MYO1E: variants seen among roughly 807,000 people sequenced by gnomAD.
MYO1E encodes the protein unconventional myosin-Ie.
MYO1E carries 68 observed loss-of-function variants against 151.1 expected under a neutral mutation model. The observed-to-expected ratio is 0.45, with a 90% CI of 0.37 to 0.55. The LOEUF is 0.55. Ranked by LOEUF, MYO1E falls within the 20% of genes least tolerant of loss-of-function variation. The probability of loss-of-function intolerance (pLI) is 0.00; values close to 1 mark genes in which losing one functional copy is unlikely to be tolerated. For missense variants in MYO1E, 1,363 were observed against 1,389.3 expected (o/e 0.98, Z 0.30); for synonymous variants, 601 against 501.7 (o/e 1.20, Z -2.64).
At position 59,214,442 on chromosome 15, in the gene MYO1E, T is replaced by C. The variant is rs1269757029; in HGVS notation, c.1189-128A>G. ...GAAATGTTGGATGCATCAAAAGAAA[T>C]AAGTTTATATTTAGGAGAAACTAAT... On this transcript the variant is annotated intron_variant, in intron 11 of 27. Coordinates refer to ENST00000288235, the MANE Select transcript of MYO1E (RefSeq NM_004998.4). The C allele has an allele frequency of 1.8e-5, 16 of 893,620 alleles. No individual in the cohort carries two copies. In the African/African-American group the frequency reaches 2.2e-4, roughly 12 times the overall value. The allele number at this position is 893,620 out of a possible 1,614,324, so 55.4% of individuals were successfully genotyped here.
At chr15:59,276,632 G>A (rs530275729) in intron 1 of MYO1E, among the ~76,000 whole-genome samples, 5 of 152,256 alleles carry the variant, frequency 3.3e-5, no homozygotes, top group African/African-American at 1.2e-4. Flanking sequence ...TGGAAAGTAG[G>A]GTACGCCCCT....
chr15:59,354,329 C>G (rs777680222), intron 1 of MYO1E, among the ~76,000 whole-genome samples: 7 of 152,200 alleles, frequency 4.6e-5, no homozygotes. Flanking sequence ...AGCAAATCCT[C>G]GTCTTTAAAC....
intron 2 of MYO1E, among the ~76,000 whole-genome samples, chr15:59,263,291 G>A (rs895107408): frequency 6.6e-6 from 1 of 152,162 alleles, no homozygotes; most frequent in Non-Finnish European, 1.5e-5. Context: ...GGACCTACCT[G>A]ATAGTCTCAT....
rs1404906763 is a variant in MYO1E at position 59,319,664 on chromosome 15, G to A, written c.4-47215C>T. Among the ~76,000 whole-genome samples, 3 of 146,412 alleles carry A rather than the reference G, an allele frequency of 2.0e-5. No individual in the cohort carries two copies. In the Admixed American group the frequency reaches 2.2e-4, roughly 11 times the overall value. Reference sequence around the variant, plus strand: ...CATGCCTGTGATCCCAGCACTTTGAGAGGCCGAGGCATGCGGATCACCTGA... The same window carrying A: ...CATGCCTGTGATCCCAGCACTTTGAAAGGCCGAGGCATGCGGATCACCTGA... On this transcript the variant is annotated intron_variant, in intron 1 of 27. Coordinates refer to ENST00000288235, the MANE Select transcript of MYO1E (RefSeq NM_004998.4).
At chr15:59,233,650 G>A (rs935630826) in intron 5 of MYO1E, among the ~76,000 whole-genome samples, 15 of 123,360 alleles carry the variant, frequency 1.2e-4, no homozygotes, top group East Asian at 9.5e-4. Flanking sequence ...GCGACAGAGC[G>A]AGACTCCGTC....
At chr15:59,249,423 C>A (rs373611682) in intron 4 of MYO1E, among the ~76,000 whole-genome samples, 688 of 132,742 alleles carry the variant, frequency 5.2e-3, no homozygotes, top group Non-Finnish European at 5.6e-3. Context: ...GACTCTGTCT[C>A]AAAAAAAAAA....
chr15:59,309,886 C>A (rs568812505), intron 1 of MYO1E, among the ~76,000 whole-genome samples: 7 of 152,236 alleles, frequency 4.6e-5, no homozygotes, highest in African/African-American at 1.7e-4. Context: ...CCCCACCCAC[C>A]ACATTTGTAA....
intron 26 of MYO1E, among the ~76,000 whole-genome samples, chr15:59,145,903 C>T (rs1745129392): frequency 6.6e-6 from 1 of 152,150 alleles, no homozygotes; most frequent in African/African-American, 2.4e-5. Context: ...CCTGGAGTGC[C>T]CACTGTTTAC....
chr15:59,254,972 T>C (rs537144073), intron 4 of MYO1E, among the ~76,000 whole-genome samples: 12 of 152,124 alleles, frequency 7.9e-5, no homozygotes, highest in African/African-American at 4.8e-5. Context: ...ACTACAGGCA[T>C]GTACCACCAC....
chr15:59,284,750 T>C (rs1164429965), intron 1 of MYO1E, among the ~76,000 whole-genome samples: 1 of 151,962 alleles, frequency 6.6e-6, no homozygotes, highest in Non-Finnish European at 1.5e-5. Context: ...GCTGGGATTA[T>C]AGGTGTAAGC....
At chr15:59,364,435 C>T (rs530024493) in intron 1 of MYO1E, among the ~76,000 whole-genome samples, 5 of 152,360 alleles carry the variant, frequency 3.3e-5, no homozygotes, top group Non-Finnish European at 5.9e-5. Flanking sequence ...CCTGTACACA[C>T]TTCTGGAGGA....
intron 4 of MYO1E, among the ~76,000 whole-genome samples, chr15:59,248,438 G>C (rs2080143964): frequency 8.4e-6 from 1 of 119,208 alleles, no homozygotes; most frequent in South Asian, 2.9e-4. Flanking sequence ...AGTGAGCCGA[G>C]ATCACACCAC....
intron 1 of MYO1E, among the ~76,000 whole-genome samples, chr15:59,296,327 T>C (rs1450503714): frequency 6.6e-6 from 1 of 152,238 alleles, no homozygotes; most frequent in Admixed American, 6.5e-5. Context: ...TCACAGGCTG[T>C]CCCTTCACTG....
chr15:59,180,272 G>A (rs970327510), intron 18 of MYO1E, among the ~76,000 whole-genome samples: 2 of 152,156 alleles, frequency 1.3e-5, no homozygotes, highest in African/African-American at 4.8e-5. Flanking sequence ...ACACATAAAT[G>A]ACTAATAGCA....
chr15:59,240,463 A>G (rs546723572), intron 4 of MYO1E, among the ~76,000 whole-genome samples: 95 of 152,306 alleles, frequency 6.2e-4, no homozygotes, highest in Non-Finnish European at 1.1e-3. Flanking sequence ...TGTTCTGGGG[A>G]AAAAAAGCCA....
intron 1 of MYO1E, among the ~76,000 whole-genome samples, chr15:59,365,389 A>G (rs2080907444): frequency 6.6e-6 from 1 of 152,190 alleles, no homozygotes; most frequent in African/African-American, 2.4e-5. Context: ...TTTCTTGAAA[A>G]GTCCCAGAAA....
intron 1 of MYO1E, among the ~76,000 whole-genome samples, chr15:59,364,923 A>T (rs976866282): frequency 1.3e-5 from 2 of 152,150 alleles, no homozygotes; most frequent in African/African-American, 4.8e-5. Flanking sequence ...AAAACAAACA[A>T]ACAAAGAAAC....
intron 1 of MYO1E, among the ~76,000 whole-genome samples, chr15:59,286,277 A>G (rs1163980809): frequency 6.6e-6 from 1 of 152,212 alleles, no homozygotes; most frequent in African/African-American, 2.4e-5. Flanking sequence ...AAGTCATGCA[A>G]AATGCTGGAG....
intron 1 of MYO1E, among the ~76,000 whole-genome samples, chr15:59,295,867 G>C (rs1175450542): frequency 2.0e-5 from 3 of 152,130 alleles, no homozygotes; most frequent in African/African-American, 7.2e-5. Flanking sequence ...TATCTGTCTA[G>C]TGTAACAATG....
Sources: allele counts gnomAD v4.1 joint callset (sites outside exome capture counted in the v4.1 genomes callset), GRCh38; gene constraint gnomAD v4.1.1; transcripts MANE v1.5; gene names NCBI Gene and HGNC (gene_info 2026-07-23, HGNC 2026-07-21).